Variants in DLG2 observed in about 807,000 individuals in gnomAD.
DLG2 encodes disks large homolog 2.
In DLG2, 45 loss-of-function variants were observed where a neutral mutation model predicts 132.5. That is an observed-to-expected ratio of 0.34 (90% CI 0.27 to 0.44). DLG2 has a LOEUF of 0.44. Ranked by LOEUF, DLG2 falls within the 20% of genes least tolerant of loss-of-function variation. The pLI is 1.00. For missense variants in DLG2, 1,045 were observed against 1,196.9 expected (o/e 0.87, Z 1.87); for synonymous variants, 424 against 419.6 (o/e 1.01, Z -0.13).
At chr11:84,068,376 G>T (rs975732481) in intron 10 of DLG2, among the ~76,000 whole-genome samples, 4 of 152,196 alleles carry the variant, frequency 2.6e-5, no homozygotes, top group Non-Finnish European at 5.9e-5. Flanking sequence ...GGCAGACTTT[G>T]TGACCAATAC....
chr11:84,509,680 A>G (rs895941607), intron 7 of DLG2, among the ~76,000 whole-genome samples: 1 of 152,222 alleles, frequency 6.6e-6, no homozygotes, highest in Non-Finnish European at 1.5e-5. Context: ...ATTTGACACT[A>G]AGTACAAAAT....
chr11:83,504,131 A>G (rs9804591), intron 21 of DLG2, among the ~76,000 whole-genome samples: 30,914 of 152,176 alleles, frequency 0.2, 3,384 homozygotes, highest in Non-Finnish European at 0.22. Flanking sequence ...GTTTTTAACA[A>G]AAGAAGGAGG....
At chr11:84,016,363 A>G (rs1266583094) in intron 11 of DLG2, among the ~76,000 whole-genome samples, 1 of 151,814 alleles carries the variant, frequency 6.6e-6, no homozygotes, top group Non-Finnish European at 1.5e-5. Flanking sequence ...CTTATATCCC[A>G]TATGTCAATT....
At chr11:85,123,387 G>C (rs528212573) in intron 5 of DLG2, among the ~76,000 whole-genome samples, 51 of 152,182 alleles carry the variant, frequency 3.4e-4, no homozygotes, top group African/African-American at 1.2e-3. Flanking sequence ...TAGAAATCCA[G>C]GTAAGAATTA....
chr11:83,691,304 C>T (rs1239983107), intron 18 of DLG2, among the ~76,000 whole-genome samples: 1 of 152,184 alleles, frequency 6.6e-6, no homozygotes, highest in Non-Finnish European at 1.5e-5. Context: ...AATATAACTT[C>T]CCCACTGCCT....
chr11:85,157,510 C>T (rs560725128), intron 4 of DLG2, among the ~76,000 whole-genome samples: 1 of 152,236 alleles, frequency 6.6e-6, no homozygotes, highest in African/African-American at 2.4e-5. Flanking sequence ...AGTTTAGCGA[C>T]TCTATACATA....
chr11:84,412,134 T>C (rs2098908853), intron 7 of DLG2, among the ~76,000 whole-genome samples: 1 of 151,822 alleles, frequency 6.6e-6, no homozygotes, highest in Admixed American at 6.6e-5. Flanking sequence ...ATAATGGCAA[T>C]AGTGATGGTG....
chr11:84,248,683 C>G (rs532243555), intron 8 of DLG2, among the ~76,000 whole-genome samples: 3 of 152,120 alleles, frequency 2.0e-5, no homozygotes, highest in Admixed American at 6.5e-5. Flanking sequence ...GGCAAAAACT[C>G]GTCTCTACTA....
intron 19 of DLG2, among the ~76,000 whole-genome samples, chr11:83,562,008 C>A (rs984450100): frequency 2.7e-5 from 4 of 150,168 alleles, no homozygotes; most frequent in Non-Finnish European, 2.9e-5. Flanking sequence ...CCTGCTTCAG[C>A]CTCCCGAGTA....
chr11:83,863,318 G>C (rs917252878), intron 16 of DLG2, among the ~76,000 whole-genome samples: 1 of 152,026 alleles, frequency 6.6e-6, no homozygotes, highest in Non-Finnish European at 1.5e-5. Context: ...AGTTTTGGGG[G>C]GTGTAGAAAA....
rs1308577307 is a variant in DLG2 at position 84,859,326 on chromosome 11, CATATATAGGTAT to C, written c.357+252323_357+252334del. Among the ~76,000 whole-genome samples, 60 of 144,336 alleles carry C rather than the reference CATATATAGGTAT, an allele frequency of 4.2e-4. 1 individual carries two copies. The East Asian group carries it at 5.6e-3, about 14-fold the overall frequency. 94.7% of individuals were successfully genotyped at this position (144,336 alleles called of 152,430 possible). On this transcript the variant is annotated intron_variant, in intron 6 of 27. Transcript: ENST00000376104. ...ATATATACCTATATATGTATATCTA[CATATATAGGTAT>C]ATATGTAGATTTTATAAACATATAT...
chr11:84,738,918 T>C (rs1164131737), intron 6 of DLG2, among the ~76,000 whole-genome samples: 2 of 152,188 alleles, frequency 1.3e-5, no homozygotes, highest in Non-Finnish European at 2.9e-5. Flanking sequence ...TCAGAAGTAT[T>C]GTTCCAATTG....
At chr11:85,232,049 C>T (rs1040635503) in intron 4 of DLG2, among the ~76,000 whole-genome samples, 1 of 151,874 alleles carries the variant, frequency 6.6e-6, no homozygotes, top group Non-Finnish European at 1.5e-5. Flanking sequence ...CTGCAAATTT[C>T]ACCCACCTTA....
intron 3 of DLG2, among the ~76,000 whole-genome samples, chr11:85,509,522 A>G (rs911500139): frequency 6.6e-6 from 1 of 152,066 alleles, no homozygotes; most frequent in Admixed American, 6.6e-5. Flanking sequence ...CAATCTAAGG[A>G]CAGGATATGT....
intron 7 of DLG2, among the ~76,000 whole-genome samples, chr11:84,264,321 G>A (rs1260090938): frequency 6.6e-6 from 1 of 152,138 alleles, no homozygotes; most frequent in Non-Finnish European, 1.5e-5. Context: ...TCCCACAGTG[G>A]CAGTGTCTAT....
At chr11:84,296,076 G>T (rs933872610) in intron 7 of DLG2, among the ~76,000 whole-genome samples, 12 of 152,158 alleles carry the variant, frequency 7.9e-5, no homozygotes, top group African/African-American at 2.7e-4. Flanking sequence ...TGGTCTGGAA[G>T]GTGCAGAGGG....
intron 7 of DLG2, among the ~76,000 whole-genome samples, chr11:84,300,567 T>TTTCCTTCC (rs753607082): frequency 4.6e-5 from 7 of 152,114 alleles, no homozygotes; most frequent in South Asian, 2.1e-4. Context: ...TCCTTCCTAC[T>TTTCCTTCC]TTCCTTCCTT....
At chr11:84,424,155 A>G (rs941007218) in intron 7 of DLG2, among the ~76,000 whole-genome samples, 2 of 152,132 alleles carry the variant, frequency 1.3e-5, no homozygotes, top group Non-Finnish European at 2.9e-5. Flanking sequence ...ATCAAATGAC[A>G]GTAATCCTAG....
At chr11:85,309,335 G>C (rs1230126057) in intron 3 of DLG2, among the ~76,000 whole-genome samples, 1 of 151,602 alleles carries the variant, frequency 6.6e-6, no homozygotes, top group Non-Finnish European at 1.5e-5. Context: ...CTGAGTTTTG[G>C]GATGGCTTAT....
Sources: allele counts gnomAD v4.1 joint callset (sites outside exome capture counted in the v4.1 genomes callset), GRCh38; gene constraint gnomAD v4.1.1; transcripts MANE v1.5; gene names NCBI Gene and HGNC (gene_info 2026-07-23, HGNC 2026-07-21).